The following RFWD3 variants were observed in gnomAD, a reference collection of about 807,000 sequenced individuals.
RFWD3 encodes the protein E3 ubiquitin-protein ligase RFWD3.
In RFWD3, 65 loss-of-function variants were observed where a neutral mutation model predicts 87.7. That is an observed-to-expected ratio of 0.74 (90% confidence interval 0.61 to 0.91). The LOEUF is 0.91. Among genes scored for constraint, RFWD3 ranks in the 40% least tolerant of loss-of-function variants. The pLI, the probability that RFWD3 is intolerant of heterozygous loss-of-function variation, is 0.00. For synonymous variants in RFWD3, 433 were observed against 352.8 expected, an observed-to-expected ratio of 1.23 and a Z score of -2.55; for missense variants, 1,078 against 938.5, an observed-to-expected ratio of 1.15 and a Z score of -1.94.
intron 6 of RFWD3, among the ~76,000 whole-genome samples, chr16:74,642,913 A>T (rs531375596): frequency 5.9e-5 from 9 of 152,214 alleles, no homozygotes; most frequent in Non-Finnish European, 1.0e-4. Context: ...ACTTTTTCTA[A>T]TGAGGCTGGA....
chr16:74,661,275 C>T lies in RFWD3; in HGVS notation c.175G>A (p.Glu59Lys). The T allele has an allele frequency of 6.2e-7, 1 of 1,614,178 alleles. No homozygotes were observed. The highest frequency in any genetic ancestry group is 2.2e-5 in the East Asian group (1 of 44,872). ...VPSILQPAPA[E>K]VISSQATPPL... ...GGTGTCGCTTGGCTGCTGATCACCTCAGCAGGAGCTGGCTGGAGGATGGAT... is the reference window on the plus strand; with the variant it reads ...GGTGTCGCTTGGCTGCTGATCACCTTAGCAGGAGCTGGCTGGAGGATGGAT... The change falls in exon 2 of 13, where the codon GAG becomes AAG. Residue 59 changes from glutamate to lysine, a missense_variant. Glu to Lys is a moderately conservative substitution (Grantham distance 56). Transcript: ENST00000361070.
chr16:74,624,206 T>C, intron 12 of RFWD3, 135 bp from the exon 13 acceptor site: 1 of 1,039,164 alleles, frequency 9.6e-7, no homozygotes, highest in Admixed American at 2.9e-5. Flanking sequence ...GTCCCTAACC[T>C]TTGCAAGGTT....
intron 6 of RFWD3, among the ~76,000 whole-genome samples, chr16:74,642,376 A>C (rs982894939): frequency 1.3e-5 from 2 of 152,120 alleles, no homozygotes; most frequent in Admixed American, 1.3e-4. Flanking sequence ...TGCCTGCCTC[A>C]GCCTCCCAGA....
intron 1 of RFWD3, among the ~76,000 whole-genome samples, chr16:74,665,629 C>T (rs1332078164): frequency 6.6e-5 from 10 of 152,178 alleles, no homozygotes; most frequent in South Asian, 2.1e-4. Context: ...CGTGGTGGCG[C>T]GCACCTGTGG....
intron 11 of RFWD3, 96 bp downstream of exon 11, chr16:74,628,356 T>C (rs559761667): frequency 1.2e-4 from 136 of 1,164,992 alleles, no homozygotes; most frequent in South Asian, 6.6e-4. Context: ...CTGTGAGCGG[T>C]ACCACAGCCA....
chr16:74,662,327 GTGC>G (rs923597014), intron 1 of RFWD3, among the ~76,000 whole-genome samples: 2 of 151,982 alleles, frequency 1.3e-5, no homozygotes, highest in African/African-American at 4.8e-5. Context: ...AGTAAGGCAC[GTGC>G]TTTTATTTTC....
chr16:74,628,931 A>C (rs1959012699), intron 10 of RFWD3, among the ~76,000 whole-genome samples: 1 of 152,250 alleles, frequency 6.6e-6, no homozygotes, highest in African/African-American at 2.4e-5. Flanking sequence ...AAGGGATACA[A>C]GATCACAATT....
At chr16:74,628,044 T>G (rs1402876484) in intron 11 of RFWD3, among the ~76,000 whole-genome samples, 1 of 152,206 alleles carries the variant, frequency 6.6e-6, no homozygotes, top group African/African-American at 2.4e-5. Flanking sequence ...GTTGTCCATT[T>G]CAGTATGCCA....
chr16:74,666,470 GGGC>G (rs1961932146), intron 1 of RFWD3: 1 of 152,264 alleles, frequency 6.6e-6, no homozygotes, highest in African/African-American at 2.4e-5. Context: ...CTCGGGGGAA[GGGC>G]CGGGCGACCT....
chr16:74,659,032 T>C lies in RFWD3; in HGVS notation c.518+1900A>G, dbSNP rs78428634. On this transcript the variant is annotated intron_variant, in intron 2 of 12. Coordinates refer to ENST00000361070, the MANE Select transcript of RFWD3 (RefSeq NM_018124.4). ...GCCTTGGCCGCTCAAAGTTCTGAGA[T>C]TACAGGCGTGAGCCACTATGCCCAG... 5.8e-3 allele frequency among the ~76,000 whole-genome samples: 885 copies of C among 152,300 alleles called. 5 individuals carry two copies. Among genetic ancestry groups the C allele is most frequent in the South Asian group, 0.015 (72 of 4,828 alleles).
At chr16:74,666,339 T>C (rs1052666842) in intron 1 of RFWD3, 1 of 152,194 alleles carries the variant, frequency 6.6e-6, no homozygotes, top group Non-Finnish European at 1.5e-5. Context: ...ATACAAGTCT[T>C]TACTCCACAG....
At chr16:74,658,902 G>T (rs1961210262) in intron 2 of RFWD3, among the ~76,000 whole-genome samples, 1 of 151,948 alleles carries the variant, frequency 6.6e-6, no homozygotes, top group Non-Finnish European at 1.5e-5. Context: ...CAAGTAGCTG[G>T]GACCACAGGT....
chr16:74,659,443 A>G (rs1567586824), intron 2 of RFWD3, among the ~76,000 whole-genome samples: 1 of 152,096 alleles, frequency 6.6e-6, no homozygotes. Flanking sequence ...AAAACAACAG[A>G]CTATAGCCAA....
intron 2 of RFWD3, 177 bp downstream of exon 2, chr16:74,660,755 A>C: frequency 3.1e-6 from 2 of 640,350 alleles, no homozygotes. Context: ...AGTTTAACTT[A>C]TCCCTTCATT....
chr16:74,630,737 A>T (rs1204353283), intron 10 of RFWD3, 44 bp downstream of exon 10: 2 of 1,523,240 alleles, frequency 1.3e-6, no homozygotes, highest in Non-Finnish European at 1.8e-6. Context: ...TAATAAGCCA[A>T]GAGAAAGCTG....
At chr16:74,655,421 G>A (rs1176482686) in intron 2 of RFWD3, among the ~76,000 whole-genome samples, 8 of 141,590 alleles carry the variant, frequency 5.7e-5, no homozygotes, top group Non-Finnish European at 1.1e-4. Context: ...TTTTTTTTTT[G>A]TATTTTTAGT....
In RFWD3 at chr16:74,636,562, T is replaced by TA; in HGVS notation, c.1209dup (p.Thr404TyrfsTer54). 5 of 1,613,046 alleles carry TA rather than the reference T, an allele frequency of 3.1e-6. No homozygotes were observed. Among genetic ancestry groups the TA allele is most frequent in the Non-Finnish European group, 4.2e-6 (5 of 1,179,542 alleles). On this transcript the variant is annotated frameshift_variant, in exon 8 of 13. Coordinates refer to ENST00000361070, the MANE Select transcript of RFWD3 (RefSeq NM_018124.4). LOFTEE classifies it high-confidence loss of function. Reference sequence around the variant, plus strand: ...TGTAAATTCTGACTTTGATGTGACGTAAGTTTTTGCAAGTCCTAAAATGAA... The same window carrying TA: ...TGTAAATTCTGACTTTGATGTGACGTAAAGTTTTTGCAAGTCCTAAAATGAA...
intron 12 of RFWD3, among the ~76,000 whole-genome samples, chr16:74,625,924 G>A (rs1958918407): frequency 1.3e-5 from 2 of 152,186 alleles, no homozygotes; most frequent in Non-Finnish European, 1.5e-5. Flanking sequence ...AATGGCTCAC[G>A]CCTCTAATCC....
At chr16:74,662,713 G>T (rs1388171691) in intron 1 of RFWD3, among the ~76,000 whole-genome samples, 3 of 152,140 alleles carry the variant, frequency 2.0e-5, no homozygotes, top group Non-Finnish European at 1.5e-5. Flanking sequence ...TTATTAAAGG[G>T]CCTATGGGCC....
Sources: gnomAD v4.1 joint callset for allele counts (sites outside exome capture counted in the v4.1 genomes callset) on GRCh38, gnomAD v4.1.1 for gene constraint, MANE v1.5 for transcripts, NCBI Gene and HGNC (gene_info 2026-07-23, HGNC 2026-07-21) for gene names.